TMTC2: variants seen among roughly 807,000 people sequenced by gnomAD.
TMTC2 encodes transmembrane O-mannosyltransferase targeting cadherins 2, also known as protein O-mannosyl-transferase TMTC2.
TMTC2 carries 43 observed loss-of-function variants against 82.4 expected under a neutral mutation model. That is an observed-to-expected ratio of 0.52 (90% CI 0.41 to 0.67). TMTC2 has a LOEUF of 0.67. Ranked by LOEUF, TMTC2 falls within the 30% of genes least tolerant of loss-of-function variation. The probability of loss-of-function intolerance (pLI) is 0.00; values close to 1 mark genes in which losing one functional copy is unlikely to be tolerated. For synonymous variants in TMTC2, 408 were observed against 381.9 expected, an observed-to-expected ratio of 1.07 and a Z score of -0.80; for missense variants, 919 against 1,012.4, an observed-to-expected ratio of 0.91 and a Z score of 1.25.
chr12:82,987,520 TATAAC>T (rs762496783), intron 8 of TMTC2, among the ~76,000 whole-genome samples: 78 of 149,472 alleles, frequency 5.2e-4, no homozygotes, highest in Admixed American at 2.0e-4. Flanking sequence ...CTTAATAAAA[TATAAC>T]AGATATGTTT....
intron 1 of TMTC2, among the ~76,000 whole-genome samples, chr12:82,763,987 G>T (rs1876798832): frequency 6.6e-6 from 1 of 152,104 alleles, no homozygotes; most frequent in African/African-American, 2.4e-5. Context: ...GAAGACTCTA[G>T]GTGAATATTA....
chr12:82,983,790 C>G (rs933732324), intron 7 of TMTC2, among the ~76,000 whole-genome samples: 9 of 151,862 alleles, frequency 5.9e-5, no homozygotes, highest in Non-Finnish European at 1.2e-4. Flanking sequence ...CTTTATAATC[C>G]GTTTAAGAGA....
intron 1 of TMTC2, among the ~76,000 whole-genome samples, chr12:82,849,374 GA>G (rs1870853059): frequency 6.6e-6 from 1 of 152,070 alleles, no homozygotes; most frequent in South Asian, 2.1e-4. Context: ...AATGCAGTCA[GA>G]AAATAAAGCA....
chr12:82,846,352 T>G (rs968183708), intron 1 of TMTC2, among the ~76,000 whole-genome samples: 4 of 151,892 alleles, frequency 2.6e-5, no homozygotes, highest in African/African-American at 9.7e-5. Flanking sequence ...AACGAGACTC[T>G]GTCTTTTTTT....
At chr12:83,063,536 C>T (rs898540937) in intron 11 of TMTC2, among the ~76,000 whole-genome samples, 3 of 151,874 alleles carry the variant, frequency 2.0e-5, no homozygotes, top group Admixed American at 1.3e-4. Context: ...CCACAGATAC[C>T]TTTGTGATCC....
At chr12:83,004,746 T>TGAG (rs1359631849) in intron 8 of TMTC2, among the ~76,000 whole-genome samples, 2 of 116,148 alleles carry the variant, frequency 1.7e-5, no homozygotes, top group Non-Finnish European at 3.5e-5. Context: ...TTTTTTTTTT[T>TGAG]TTTTTTTTTT....
chr12:83,013,766 C>T (rs1478318053), intron 8 of TMTC2, among the ~76,000 whole-genome samples: 1 of 152,198 alleles, frequency 6.6e-6, no homozygotes, highest in Non-Finnish European at 1.5e-5. Flanking sequence ...AATTCTCCAA[C>T]TTCCTTATAA....
At position 82,988,964 on chromosome 12, in the gene TMTC2, CAAATT is replaced by C. The variant is rs528743324; in HGVS notation, c.2070+2922_2070+2926del. Among the ~76,000 whole-genome samples, 256 of 149,946 alleles carry C rather than the reference CAAATT, an allele frequency of 1.7e-3. 1 individual carries two copies. Among genetic ancestry groups the C allele is most frequent in the African/African-American group, 6.0e-3 (245 of 40,610 alleles). On this transcript the variant is annotated intron_variant, in intron 8 of 11. Transcript: ENST00000321196. ...ATCATCAGTCATATCAGGAAAGACACAAATTAAAAAGACTGGAACTAAAACAAATT... is the reference window on the plus strand; with the variant it reads ...ATCATCAGTCATATCAGGAAAGACACAAAAAGACTGGAACTAAAACAAATT...
At chr12:82,876,932 G>A (rs1197473301) in intron 2 of TMTC2, among the ~76,000 whole-genome samples, 1 of 152,102 alleles carries the variant, frequency 6.6e-6, no homozygotes, top group South Asian at 2.1e-4. Context: ...GTGCCCAACA[G>A]TGCTCAGTTA....
intron 8 of TMTC2, among the ~76,000 whole-genome samples, chr12:83,013,321 A>G (rs2137390406): frequency 6.6e-6 from 1 of 152,308 alleles, no homozygotes; most frequent in Middle Eastern, 3.4e-3. Context: ...GAATATGTAC[A>G]GTTATATGAA....
At chr12:82,858,197 G>A (rs12303694) in intron 2 of TMTC2, among the ~76,000 whole-genome samples, 5,233 of 152,248 alleles carry the variant, frequency 0.034, 307 homozygotes, top group African/African-American at 0.12. Flanking sequence ...TTGTTCTCCC[G>A]TATTCCCTTA....
In TMTC2 at chr12:82,797,696, T is replaced by C. The variant is rs118057883; in HGVS notation, c.84-59314T>C. Among the ~76,000 whole-genome samples, 355 of 152,266 alleles carry C rather than the reference T, an allele frequency of 2.3e-3. 4 individuals are homozygous for C. Among genetic ancestry groups the C allele is most frequent in the Non-Finnish European group, 3.5e-3 (235 of 68,000 alleles). On this transcript the variant is annotated intron_variant, in intron 1 of 11. Coordinates refer to ENST00000321196, the MANE Select transcript of TMTC2 (RefSeq NM_152588.3). ...CTGGTTTATCAAGCTTTGAATTATC[T>C]GACAGTGGTTTTCTGGCTTACTCAT... is the stretch of plus-strand genomic sequence containing the variant.
intron 7 of TMTC2, among the ~76,000 whole-genome samples, chr12:82,976,006 C>T (rs886623748): frequency 3.3e-5 from 5 of 151,988 alleles, no homozygotes; most frequent in South Asian, 2.1e-4. Flanking sequence ...TTCCTGAAGA[C>T]AGTATTATAT....
chr12:82,854,061 C>T (rs1486290654), intron 1 of TMTC2, among the ~76,000 whole-genome samples: 5 of 151,752 alleles, frequency 3.3e-5, no homozygotes, highest in African/African-American at 1.2e-4. Flanking sequence ...TCCAGAATAA[C>T]ATCTGGTTCT....
chr12:82,900,487 A>C (rs1289406532), intron 3 of TMTC2, among the ~76,000 whole-genome samples: 6 of 16,670 alleles, frequency 3.6e-4, no homozygotes, highest in African/African-American at 9.0e-4. Flanking sequence ...GAATATAGAT[A>C]TGTAGGAATG....
At chr12:82,727,748 A>G (rs961956114) in intron 1 of TMTC2, among the ~76,000 whole-genome samples, 3 of 151,838 alleles carry the variant, frequency 2.0e-5, no homozygotes, top group African/African-American at 7.3e-5. Flanking sequence ...TTGAAATCCA[A>G]CTTTCACCTG....
intron 1 of TMTC2, among the ~76,000 whole-genome samples, chr12:82,701,510 G>A (rs4882428): frequency 6.6e-6 from 1 of 151,032 alleles, no homozygotes; most frequent in Non-Finnish European, 1.5e-5. Context: ...CCAGCACTTT[G>A]GGAGGCCGAG....
At chr12:82,801,817 G>A (rs910542623) in intron 1 of TMTC2, among the ~76,000 whole-genome samples, 2 of 152,058 alleles carry the variant, frequency 1.3e-5, no homozygotes, top group African/African-American at 2.4e-5. Context: ...GTGTCGATTG[G>A]TGCATTCACA....
intron 4 of TMTC2, among the ~76,000 whole-genome samples, chr12:82,952,047 A>G (rs892888863): frequency 6.6e-6 from 1 of 152,206 alleles, no homozygotes; most frequent in African/African-American, 2.4e-5. Flanking sequence ...CAGAAACTAT[A>G]GCTTTGTCTC....
Sources: allele counts gnomAD v4.1 joint callset (sites outside exome capture counted in the v4.1 genomes callset), GRCh38; gene constraint gnomAD v4.1.1; transcripts MANE v1.5; gene names NCBI Gene and HGNC (gene_info 2026-07-23, HGNC 2026-07-21).